The following NGLY1 variants were observed in gnomAD, a reference collection of about 807,000 sequenced individuals.
The protein encoded by NGLY1 is peptide-N(4)-(N-acetyl-beta-glucosaminyl)asparagine amidase.
NGLY1 carries 68 observed loss-of-function variants against 84.6 expected under a neutral mutation model. The ratio of observed to expected loss-of-function variants is 0.80; its 90% CI spans 0.66 to 0.98. The LOEUF is 0.98. Among genes scored for constraint, NGLY1 ranks in the 50% least tolerant of loss-of-function variants. NGLY1 has a pLI of 0.00. For synonymous variants in NGLY1, 280 were observed against 275.2 expected, an observed-to-expected ratio of 1.02 and a Z score of -0.17; for missense variants, 779 against 770.2, an observed-to-expected ratio of 1.01 and a Z score of -0.14.
intron 2 of NGLY1, among the ~76,000 whole-genome samples, chr3:25,773,512 A>AT (rs915604660): frequency 2.0e-5 from 3 of 151,472 alleles, no homozygotes; most frequent in South Asian, 2.1e-4. Context: ...TTCTCTGGAG[A>AT]TTTTTTTTCA....
In NGLY1 at chr3:25,763,913, A is replaced by C. The variant is rs1027095989; in HGVS notation, c.492+153T>G. Among the ~76,000 whole-genome samples the C allele has an allele frequency of 2.4e-4, 37 of 152,208 alleles. 1 individual carries two copies. Among genetic ancestry groups the C allele is most frequent in the Non-Finnish European group, 8.8e-5 (6 of 68,036 alleles). ...GTAGAGGAAATCTGACAATTTTTTA[A>C]AGAGCTGAAGAAATTTGGATGTTTT... On this transcript the variant is annotated intron_variant, in intron 3 of 11. Coordinates refer to ENST00000280700, the MANE Select transcript of NGLY1 (RefSeq NM_018297.4).
At position 25,764,314 on chromosome 3, in the gene NGLY1, G is replaced by A; in HGVS notation, c.247-3C>T. ...GGAAAGATGAGATGTGTTTCTCCCT[G>A]GAATTTATAAAATTAAAAAAAATGT... is the stretch of plus-strand genomic sequence containing the variant. On this transcript the variant is annotated splice_region_variant and splice_polypyrimidine_tract_variant and intron_variant, in intron 2 of 11. Coordinates refer to ENST00000280700, the MANE Select transcript of NGLY1 (RefSeq NM_018297.4). The A allele has an allele frequency of 6.2e-7, 1 of 1,604,130 alleles. No individual in the cohort carries two copies. Among genetic ancestry groups the A allele is most frequent in the Non-Finnish European group, 8.5e-7 (1 of 1,176,262 alleles).
At chr3:25,748,005 A>G (rs1280776810) in intron 4 of NGLY1, among the ~76,000 whole-genome samples, 1 of 152,158 alleles carries the variant, frequency 6.6e-6, no homozygotes, top group Non-Finnish European at 1.5e-5. Flanking sequence ...GGGAAGAGTA[A>G]GAATTGTGAG....
chr3:25,738,654 A>T (rs1436907025), intron 5 of NGLY1, among the ~76,000 whole-genome samples: 1 of 151,962 alleles, frequency 6.6e-6, no homozygotes, highest in Non-Finnish European at 1.5e-5. Context: ...CAAAGTCTCA[A>T]GTCTCACTCT....
chr3:25,771,667 G>A (rs997464863), intron 2 of NGLY1, among the ~76,000 whole-genome samples: 26 of 152,024 alleles, frequency 1.7e-4, no homozygotes, highest in African/African-American at 6.3e-4. Flanking sequence ...CATGAGTATG[G>A]GATGTGTTTC....
At chr3:25,766,756 G>C (rs557455146) in intron 2 of NGLY1, among the ~76,000 whole-genome samples, 1 of 152,034 alleles carries the variant, frequency 6.6e-6, no homozygotes, top group Non-Finnish European at 1.5e-5. Flanking sequence ...GGACAGAGAA[G>C]GAAAAAGAGC....
chr3:25,735,033 A>G (rs961574904), intron 7 of NGLY1: 17 of 222,190 alleles, frequency 7.7e-5, no homozygotes, highest in Middle Eastern at 2.3e-3. Context: ...CATATGTAAA[A>G]AAAAACTTCA....
intron 2 of NGLY1, among the ~76,000 whole-genome samples, chr3:25,772,985 A>G (rs1002950473): frequency 2.0e-5 from 3 of 152,206 alleles, no homozygotes; most frequent in African/African-American, 7.2e-5. Context: ...TAGGGCTTCT[A>G]CTGAGAAATC....
intron 8 of NGLY1, among the ~76,000 whole-genome samples, chr3:25,733,515 G>A (rs1341330427): frequency 8.6e-6 from 1 of 116,232 alleles, no homozygotes; most frequent in Non-Finnish European, 1.9e-5. Context: ...GTGTGTGTGT[G>A]TATGTACATA....
chr3:25,766,663 G>A (rs1707592074), intron 2 of NGLY1, among the ~76,000 whole-genome samples: 1 of 152,136 alleles, frequency 6.6e-6, no homozygotes, highest in Non-Finnish European at 1.5e-5. Flanking sequence ...AGAGAAACCA[G>A]ACATCTGGTT....
chr3:25,760,110 T>C (rs1427135087), intron 3 of NGLY1, among the ~76,000 whole-genome samples: 1 of 152,152 alleles, frequency 6.6e-6, no homozygotes, highest in Non-Finnish European at 1.5e-5. Context: ...AAAACTTTTC[T>C]ATTTATAAAG....
At chr3:25,775,294 CA>C in intron 2 of NGLY1, among the ~76,000 whole-genome samples, 1 of 152,308 alleles carries the variant, frequency 6.6e-6, no homozygotes. Flanking sequence ...GTCTCCTATC[CA>C]CCATTTTCCA....
intron 2 of NGLY1, among the ~76,000 whole-genome samples, chr3:25,775,757 G>A (rs987896313): frequency 6.6e-6 from 1 of 152,178 alleles, no homozygotes; most frequent in Admixed American, 6.6e-5. Flanking sequence ...AGTTAAATAG[G>A]AGGAATAATT....
chr3:25,747,420 TA>T (rs1706492950), intron 4 of NGLY1, among the ~76,000 whole-genome samples: 1 of 152,156 alleles, frequency 6.6e-6, no homozygotes, highest in Non-Finnish European at 1.5e-5. Context: ...GTAGCAGAAG[TA>T]AATCTAAGGC....
intron 3 of NGLY1, among the ~76,000 whole-genome samples, chr3:25,752,525 T>A (rs2125516959): frequency 6.6e-6 from 1 of 151,536 alleles, no homozygotes; most frequent in Admixed American, 6.6e-5. Context: ...TGGCTAGATA[T>A]AAAAATTTAA....
intron 7 of NGLY1, 156 bp downstream of exon 7, chr3:25,735,848 C>T (rs1042578658): frequency 4.9e-5 from 31 of 638,604 alleles, no homozygotes; most frequent in East Asian, 3.8e-4. Flanking sequence ...TACTGATTTG[C>T]AGTGATGATT....
At chr3:25,768,375 C>CT (rs1707720541) in intron 2 of NGLY1, among the ~76,000 whole-genome samples, 1 of 149,268 alleles carries the variant, frequency 6.7e-6, no homozygotes, top group Admixed American at 6.7e-5. Flanking sequence ...TGAGTAGTGA[C>CT]TGTGCCACTG....
At position 25,733,989 on chromosome 3, in the gene NGLY1, C is replaced by T. The variant is rs1553653192; in HGVS notation, c.1150-7G>A. The T allele has an allele frequency of 3.1e-6, 5 of 1,611,336 alleles. No homozygotes were observed. In the South Asian group the frequency reaches 5.5e-5, roughly 18 times the overall value. On this transcript the variant is annotated splice_region_variant and splice_polypyrimidine_tract_variant and intron_variant, in intron 7 of 11. Transcript: ENST00000280700. ...GCCAAGTGACATCAACTACCTGAAA[C>T]AAATAACAGAATACAAATACTTAAC...
At chr3:25,783,621 G>C (rs1213421739), upstream of NGLY1, 1 of 331,400 alleles carries the variant, frequency 3.0e-6, no homozygotes, top group Non-Finnish European at 5.0e-6. This position sits in a 1 kb window ranked among gnomAD's most constrained non-coding sequence, Gnocchi z 4.5. Flanking sequence ...GGCCTGGGGC[G>C]GGGTCGGGGA....
Sources: gnomAD v4.1 joint callset for allele counts (sites outside exome capture counted in the v4.1 genomes callset) on GRCh38, gnomAD v4.1.1 for gene constraint, Gnocchi (gnomAD v3.1) non-coding constraint, MANE v1.5 for transcripts, NCBI Gene and HGNC (gene_info 2026-07-23, HGNC 2026-07-21) for gene names.